The following RTN3 variants were observed in gnomAD, a reference collection of about 807,000 sequenced individuals.
The protein encoded by RTN3 is reticulon 3.
In RTN3, 49 loss-of-function variants were observed where a neutral mutation model predicts 77.8. The observed-to-expected ratio is 0.63, with a 90% CI of 0.50 to 0.80. The LOEUF is 0.80. RTN3 is among the 30% of genes least tolerant of loss of function. RTN3 has a pLI of 0.00. For missense variants in RTN3, 1,236 were observed against 1,211.9 expected (o/e 1.02, Z -0.29); for synonymous variants, 464 against 446.9 (o/e 1.04, Z -0.48).
intron 3 of RTN3, among the ~76,000 whole-genome samples, chr11:63,742,568 C>T (rs1222006254): frequency 2.6e-5 from 4 of 151,838 alleles, no homozygotes; most frequent in Non-Finnish European, 5.9e-5. Flanking sequence ...GTCGCTTGAA[C>T]CTGGATGCGG....
chr11:63,686,167 C>T (rs1263608435), intron 1 of RTN3, among the ~76,000 whole-genome samples: 2 of 152,044 alleles, frequency 1.3e-5, no homozygotes, highest in Admixed American at 6.6e-5. Flanking sequence ...ACTGATGACA[C>T]GATGTTGAAA....
At position 63,681,505 on chromosome 11, in the gene RTN3, G is replaced by A; in HGVS notation, c.-132G>A. The A allele has an allele frequency of 1.1e-6, 1 of 947,540 alleles. No homozygotes were observed. Among genetic ancestry groups the A allele is most frequent in the Admixed American group, 3.2e-5 (1 of 31,242 alleles). The allele number at this position is 947,540 out of a possible 1,614,324, so 58.7% of individuals were successfully genotyped here. ...TGCGCTCGGCTGAGTCAGTCAGTCT[G>A]TCGGAGTCTGTCCTCGGAGCAGGCG... On this transcript the variant is annotated 5_prime_UTR_variant, in exon 1 of 9. Transcript: ENST00000377819.
At chr11:63,750,342 G>A (rs1450789799) in intron 4 of RTN3, 144 bp downstream of exon 4, 1 of 688,104 alleles carries the variant, frequency 1.5e-6, no homozygotes, top group Non-Finnish European at 2.4e-6. Flanking sequence ...ATCCCCTAGA[G>A]ACCTTGAAAT....
chr11:63,708,484 T>A (rs1183872103), intron 2 of RTN3, among the ~76,000 whole-genome samples: 1 of 152,168 alleles, frequency 6.6e-6, no homozygotes, highest in Non-Finnish European at 1.5e-5. Context: ...ATGTTAAGAT[T>A]TAAGTGACTT....
At chr11:63,756,010 G>A in intron 7 of RTN3, 102 bp from the exon 8 acceptor site, 1 of 809,738 alleles carries the variant, frequency 1.2e-6, no homozygotes, top group Non-Finnish European at 2.2e-6. Flanking sequence ...ACACTGGTCA[G>A]TCGTGTTTAA....
chr11:63,684,110 C>T (rs1250471846), intron 1 of RTN3, among the ~76,000 whole-genome samples: 109 of 135,800 alleles, frequency 8.0e-4, no homozygotes, highest in Non-Finnish European at 2.5e-4. Flanking sequence ...TGCCACCACG[C>T]GTGGTTAATT....
At chr11:63,733,955 T>C (rs2012887776) in intron 3 of RTN3, among the ~76,000 whole-genome samples, 1 of 152,030 alleles carries the variant, frequency 6.6e-6, no homozygotes, top group Admixed American at 6.6e-5. Flanking sequence ...GACACACATA[T>C]ATATATACAC....
At chr11:63,747,914 C>T (rs184041051) in intron 3 of RTN3, among the ~76,000 whole-genome samples, 3 of 152,272 alleles carry the variant, frequency 2.0e-5, no homozygotes, top group African/African-American at 4.8e-5. Context: ...AAACTCATGT[C>T]TCTCCAACTC....
rs760979727 is a variant in RTN3 at position 63,719,787 on chromosome 11, A to G, written c.1285A>G (p.Lys429Glu). 2.5e-5 allele frequency: 40 copies of G among 1,614,066 alleles called. No homozygotes were observed. The Admixed American group carries it at 5.8e-4, about 24-fold the overall frequency. Reference protein sequence around the residue: ...KPVPDSLNSTKEFSIKGVQGN... With the variant: ...KPVPDSLNSTEEFSIKGVQGN... ...TGTACCTGACTCTTTGAATTCCACA[A>G]AAGAATTCAGTATCAAAGGTGTGCA... Residue 429 changes from lysine to glutamate, a missense_variant, in exon 3 of 9, where the codon AAA (lysine) becomes GAA (glutamate). By Grantham distance (56) the Lys-to-Glu change is moderately conservative. Coordinates refer to ENST00000377819, the MANE Select transcript of RTN3 (RefSeq NM_001265589.2).
Position 63,713,951 on chromosome 11 carries a change from C to T in RTN3, c.200-4751C>T, listed in dbSNP as rs368448830. On this transcript the variant is annotated intron_variant, in intron 2 of 8. Coordinates refer to ENST00000377819, the MANE Select transcript of RTN3 (RefSeq NM_001265589.2). ...GCTAACTGCCTTCAGATTCACTGGA[C>T]TTTTCTGTCCTTTTGCCAGGTACTG... is the stretch of plus-strand genomic sequence containing the variant. 10 of 509,634 alleles carry T rather than the reference C, an allele frequency of 2.0e-5. 1 individual carries two copies. The Admixed American group carries it at 2.0e-4, about 10-fold the overall frequency. The allele number at this position is 509,634 out of a possible 1,614,324, so 31.6% of individuals were successfully genotyped here. A position where few individuals can be genotyped will look rare whatever the true frequency, so the allele number is the denominator to read the frequency against.
At chr11:63,700,867 G>A (rs1219979461) in intron 1 of RTN3, among the ~76,000 whole-genome samples, 5 of 151,822 alleles carry the variant, frequency 3.3e-5, no homozygotes, top group African/African-American at 7.3e-5. Context: ...TGAGGCGTGC[G>A]GATCACGAGG....
At position 63,720,452 on chromosome 11, in the gene RTN3, C is replaced by A. The variant is rs993861628; in HGVS notation, c.1950C>A (p.Ser650=). 6.2e-7 allele frequency: 1 copy of A among 1,612,608 alleles called. No homozygotes were observed. The change falls in exon 3 of 9, where the codon TCC becomes TCA. Residue 650 remains serine, a synonymous_variant. Coordinates refer to ENST00000377819, the MANE Select transcript of RTN3 (RefSeq NM_001265589.2). ...ATGTTAAACATATAGATGATTCCTC[C>A]CCAGAGGACCTGATAGCAGCCTTTA... The part of the protein sequence containing the change: ...GKNVKHIDDS[S]PEDLIAAFTE...
At chr11:63,718,620 A>G in intron 2 of RTN3, 82 bp from the exon 3 acceptor site, 1 of 973,888 alleles carries the variant, frequency 1.0e-6, no homozygotes, top group Non-Finnish European at 1.5e-6. Context: ...TTTAAAAAAT[A>G]AAAAGCATGC....
At chr11:63,706,377 A>G (rs1459193967) in intron 2 of RTN3, among the ~76,000 whole-genome samples, 1 of 152,244 alleles carries the variant, frequency 6.6e-6, no homozygotes, top group South Asian at 2.1e-4. Context: ...TTTATTTCGT[A>G]GAGACATTTT....
chr11:63,723,231 C>T (rs116003421), intron 3 of RTN3, among the ~76,000 whole-genome samples: 4 of 151,960 alleles, frequency 2.6e-5, no homozygotes, highest in Admixed American at 1.3e-4. Flanking sequence ...TAAAGAAGAC[C>T]GGTATAGTTA....
In RTN3 at chr11:63,720,534, T is replaced by C; in HGVS notation, c.2032T>C (p.Ser678Pro). Residue 678 changes from serine to proline, a missense_variant, in exon 3 of 9, where the codon TCA (serine) becomes CCA (proline). Transcript: ENST00000377819. ...DSERNAFKAI[S>P]EKMTDFKTTP... ...TGAAAGAAATGCTTTTAAAGCAATATCAGAGAAGATGACAGACTTTAAAAC... is the reference window on the plus strand; with the variant it reads ...TGAAAGAAATGCTTTTAAAGCAATACCAGAGAAGATGACAGACTTTAAAAC... 1.9e-6 allele frequency: 3 copies of C among 1,614,044 alleles called. No individual in the cohort carries two copies. Among genetic ancestry groups the C allele is most frequent in the African/African-American group, 1.3e-5 (1 of 75,018 alleles).
intron 7 of RTN3, among the ~76,000 whole-genome samples, chr11:63,754,918 T>C (rs1241281645): frequency 1.2e-5 from 1 of 84,972 alleles, no homozygotes; most frequent in Non-Finnish European, 2.2e-5. Flanking sequence ...ACAGGGAGAC[T>C]CTGTCTCAAA....
At chr11:63,740,669 C>A (rs549067024) in intron 3 of RTN3, among the ~76,000 whole-genome samples, 2 of 151,532 alleles carry the variant, frequency 1.3e-5, no homozygotes, top group Middle Eastern at 6.8e-3. Context: ...GGAATTCAAG[C>A]GATCCTCCAG....
At chr11:63,695,087 A>G (rs1941870731) in intron 1 of RTN3, among the ~76,000 whole-genome samples, 1 of 152,210 alleles carries the variant, frequency 6.6e-6, no homozygotes, top group Non-Finnish European at 1.5e-5. Context: ...TTTGGGTTTC[A>G]GCAAACATTT....
Sources: allele counts gnomAD v4.1 joint callset (sites outside exome capture counted in the v4.1 genomes callset), GRCh38; gene constraint gnomAD v4.1.1; transcripts MANE v1.5; gene names NCBI Gene and HGNC (gene_info 2026-07-23, HGNC 2026-07-21).